Variants in EZH2 observed in about 807,000 individuals in gnomAD.
EZH2 encodes the protein enhancer of zeste 2 polycomb repressive complex 2 subunit, also known as histone-lysine N-methyltransferase EZH2.
A neutral mutation model predicts 98.4 loss-of-function variants in EZH2; 18 were observed. The observed-to-expected ratio is 0.18, with a 90% CI of 0.13 to 0.27. The LOEUF is 0.27. Among genes scored for constraint, EZH2 ranks in the 10% least tolerant of loss-of-function variants. The pLI is 1.00. For missense variants in EZH2, 470 were observed against 935.1 expected, an observed-to-expected ratio of 0.50 and a Z score of 6.49; for synonymous variants, 338 against 312.3, an observed-to-expected ratio of 1.08 and a Z score of -0.87.
chr7:148,832,886 G>A (rs908448259), intron 3 of EZH2, 136 bp from the exon 4 acceptor site: 1 of 482,908 alleles, frequency 2.1e-6, no homozygotes, highest in Non-Finnish European at 3.7e-6. Context: ...ACAGTAAAGT[G>A]GTCATATAAA....
At chr7:148,817,583 G>C (rs1301146332) in intron 10 of EZH2, 192 bp from the exon 11 acceptor site, 2 of 670,368 alleles carry the variant, frequency 3.0e-6, no homozygotes, top group Admixed American at 6.1e-5. Flanking sequence ...TAAACCAAAT[G>C]ATCCAAATTT....
intron 3 of EZH2, 56 bp downstream of exon 3, chr7:148,846,414 C>A (rs1814046254): frequency 6.4e-7 from 1 of 1,565,708 alleles, no homozygotes. Context: ...ACAAATGTTC[C>A]AATAGCATAA....
At chr7:148,845,696 T>C (rs1469048269) in intron 3 of EZH2, among the ~76,000 whole-genome samples, 1 of 152,230 alleles carries the variant, frequency 6.6e-6, no homozygotes, top group Non-Finnish European at 1.5e-5. Flanking sequence ...CTTCCCATAT[T>C]TAGACATTCA....
At chr7:148,876,177 C>T (rs563921595) in intron 1 of EZH2, 16 of 152,150 alleles carry the variant, frequency 1.1e-4, no homozygotes, top group African/African-American at 3.4e-4. Context: ...ATCCCAGCTA[C>T]TCGGGAGACT....
rs144680968 is a variant in EZH2, at chr7:148,879,174, G to A, written c.-8+4990C>T. 4.3e-3 allele frequency among the ~76,000 whole-genome samples: 646 copies of A among 151,422 alleles called. 3 individuals carry two copies. Among genetic ancestry groups the A allele is most frequent in the African/African-American group, 0.014 (578 of 41,238 alleles). On this transcript the variant is annotated intron_variant, in intron 1 of 19. Transcript: ENST00000320356. ...CAGGAGGCAGAGGTTGCAGTGAGCC[G>A]AGATCACGCCACTGCACTCCAGCCT...
intron 1 of EZH2, among the ~76,000 whole-genome samples, chr7:148,870,339 C>T (rs766156947): frequency 1.2e-4 from 19 of 152,228 alleles, no homozygotes; most frequent in African/African-American, 3.9e-4. Context: ...TAATATAACA[C>T]GTTTTAGATC....
chr7:148,817,457 G>C lies in EZH2; in HGVS notation c.1241-66C>G, dbSNP rs561084777. 8.1e-4 allele frequency: 1,231 copies of C among 1,515,950 alleles called. 1 individual carries two copies. Among genetic ancestry groups the C allele is most frequent in the Non-Finnish European group, 1.0e-3 (1,141 of 1,115,234 alleles). 93.9% of individuals were successfully genotyped at this position (1,515,950 alleles called of 1,614,324 possible). A position where few individuals can be genotyped will look rare whatever the true frequency, so the allele number is the denominator to read the frequency against. ...AAATAATATTAAGAAGTACAATTCA[G>C]GGTGTGCTTAAGAAAAAAGCGAAAA... is the stretch of plus-strand genomic sequence containing the variant. On this transcript the variant is annotated intron_variant, in intron 10 of 19. Coordinates refer to ENST00000320356, the MANE Select transcript of EZH2 (RefSeq NM_004456.5).
chr7:148,872,634 A>G (rs1300901861), intron 1 of EZH2, among the ~76,000 whole-genome samples: 1 of 152,244 alleles, frequency 6.6e-6, no homozygotes, highest in African/African-American at 2.4e-5. Flanking sequence ...AGAATATATG[A>G]AATTTCACTA....
At chr7:148,881,947 C>CAT (rs557758696) in intron 1 of EZH2, among the ~76,000 whole-genome samples, 1 of 115,302 alleles carries the variant, frequency 8.7e-6, no homozygotes, top group African/African-American at 3.6e-5. Flanking sequence ...AAAAAAAAAA[C>CAT]ATATACACAC....
chr7:148,809,240 C>T, intron 18 of EZH2, 70 bp downstream of exon 18: 1 of 1,585,650 alleles, frequency 6.3e-7, no homozygotes. Flanking sequence ...AACAACTATC[C>T]CAGAAGTATT....
intron 19 of EZH2, among the ~76,000 whole-genome samples, chr7:148,808,512 A>G (rs549310929): frequency 6.6e-6 from 1 of 152,326 alleles, no homozygotes; most frequent in Non-Finnish European, 1.5e-5. Flanking sequence ...GACAGTGTCA[A>G]CTGGCAGCCT....
chr7:148,837,923 T>A (rs1811321091), intron 3 of EZH2, among the ~76,000 whole-genome samples: 1 of 152,238 alleles, frequency 6.6e-6, no homozygotes, highest in Non-Finnish European at 1.5e-5. Flanking sequence ...GAAGAACCTC[T>A]ACCCTACAAC....
At chr7:148,821,790 C>T (rs1055521267) in intron 8 of EZH2, among the ~76,000 whole-genome samples, 3 of 152,226 alleles carry the variant, frequency 2.0e-5, no homozygotes, top group Admixed American at 2.0e-4. Flanking sequence ...TGTGCCACTG[C>T]ACCACTCTGG....
intron 8 of EZH2, among the ~76,000 whole-genome samples, chr7:148,821,716 C>A (rs142595159): frequency 1.3e-5 from 2 of 152,130 alleles, no homozygotes; most frequent in Non-Finnish European, 2.9e-5. Context: ...GTCCCAGCTA[C>A]GCAGGAAGCT....
At chr7:148,819,312 C>CAGATAG (rs1315285302) in intron 9 of EZH2, among the ~76,000 whole-genome samples, 2 of 152,152 alleles carry the variant, frequency 1.3e-5, no homozygotes, top group Non-Finnish European at 1.5e-5. Context: ...TGCCTTGCAA[C>CAGATAG]TCTCATAGAC....
chr7:148,828,903 AAC>A (rs1563244746), intron 5 of EZH2, 23 bp from the exon 6 acceptor site: 2 of 1,584,638 alleles, frequency 1.3e-6, no homozygotes, highest in Non-Finnish European at 1.7e-6. Context: ...AAATGTCAGA[AAC>A]ACACAGGAGA....
At chr7:148,822,297 G>A (rs1245692226) in intron 8 of EZH2, among the ~76,000 whole-genome samples, 1 of 144,890 alleles carries the variant, frequency 6.9e-6, no homozygotes, top group East Asian at 1.9e-4. Flanking sequence ...ATCACTTGAG[G>A]TCAGGAGTTT....
At chr7:148,839,061 G>GAAGGAAGGA (rs2129482482) in intron 3 of EZH2, among the ~76,000 whole-genome samples, 1 of 126,784 alleles carries the variant, frequency 7.9e-6, no homozygotes, top group African/African-American at 3.1e-5. Context: ...AATAAGGAAG[G>GAAGGAAGGA]AAGGAAGGAA....
chr7:148,858,542 A>C (rs764011298), intron 1 of EZH2, among the ~76,000 whole-genome samples: 2 of 151,976 alleles, frequency 1.3e-5, no homozygotes, highest in Non-Finnish European at 2.9e-5. Flanking sequence ...TTTTTTTGGA[A>C]GGGACAAGGT....
Sources: gnomAD v4.1 joint callset for allele counts (sites outside exome capture counted in the v4.1 genomes callset) on GRCh38, gnomAD v4.1.1 for gene constraint, MANE v1.5 for transcripts, NCBI Gene and HGNC (gene_info 2026-07-23, HGNC 2026-07-21) for gene names.